The following BCOR variants were observed in gnomAD, a reference collection of about 807,000 sequenced individuals.
BCOR encodes BCL6 corepressor.
Under a neutral mutation model 86.7 loss-of-function variants are expected in BCOR, and 10 were observed. The observed-to-expected ratio is 0.12, with a 90% CI of 0.07 to 0.20. The LOEUF (loss-of-function observed/expected upper bound fraction) is 0.20, where lower values mean the gene tolerates loss of function less well. Among genes scored for constraint, BCOR ranks in the 10% least tolerant of loss-of-function variants. The pLI, the probability that BCOR is intolerant of heterozygous loss-of-function variation, is 1.00. For missense variants in BCOR, 1,259 were observed against 1,452.1 expected (o/e 0.87, Z 2.16); for synonymous variants, 611 against 609.0 (o/e 1.00, Z -0.05).
intron 1 of BCOR, among the ~76,000 whole-genome samples, chrX:40,171,943 C>A (rs1459250199): frequency 2.7e-5 from 3 of 112,862 alleles, no homozygotes; most frequent in Non-Finnish European, 5.6e-5. Flanking sequence ...CTCCGGCTCA[C>A]AGAGCCTCTC....
At chrX:40,095,364 G>A (rs778433726) in intron 1 of BCOR, among the ~76,000 whole-genome samples, 2 of 111,424 alleles carry the variant, frequency 1.8e-5, no homozygotes, top group East Asian at 5.7e-4. Flanking sequence ...CCAACACTTC[G>A]TAAGGATTGA....
intron 6 of BCOR, among the ~76,000 whole-genome samples, chrX:40,068,525 G>A (rs1342200430): frequency 8.9e-6 from 1 of 112,665 alleles, no homozygotes; most frequent in Non-Finnish European, 1.9e-5. Flanking sequence ...TTGCCACTGA[G>A]TGAGTCCTAG....
intron 1 of BCOR, among the ~76,000 whole-genome samples, chrX:40,169,214 G>A (rs925664563): frequency 2.7e-5 from 3 of 112,712 alleles, no homozygotes; most frequent in African/African-American, 9.7e-5. Flanking sequence ...CTGCACAAGA[G>A]AATTTTCTCT....
intron 1 of BCOR, among the ~76,000 whole-genome samples, chrX:40,168,805 A>G (rs945763136): frequency 8.8e-6 from 1 of 113,427 alleles, no homozygotes; most frequent in Non-Finnish European, 1.9e-5. Flanking sequence ...ATATGTAGCT[A>G]TTAAAATTAA....
intron 5 of BCOR, 83 bp from the exon 6 acceptor site, chrX:40,071,242 G>C (rs2147183404): frequency 2.9e-6 from 3 of 1,031,098 alleles, no homozygotes; most frequent in Non-Finnish European, 3.9e-6. Context: ...TTAAAGGAAA[G>C]TATTTTCAAA....
At chrX:40,162,181 G>T (rs1248607841) in intron 1 of BCOR, among the ~76,000 whole-genome samples, 1 of 112,264 alleles carries the variant, frequency 8.9e-6, no homozygotes, top group Non-Finnish European at 1.9e-5. Flanking sequence ...TCTGTCCTGT[G>T]TCACCTTCTC....
At chrX:40,093,204 A>G (rs1423145711) in intron 1 of BCOR, among the ~76,000 whole-genome samples, 1 of 112,041 alleles carries the variant, frequency 8.9e-6, no homozygotes, top group Non-Finnish European at 1.9e-5. Flanking sequence ...CTCTTGTTCC[A>G]TTTGGGCAAC....
At chrX:40,171,438 G>A (rs1302608551) in intron 1 of BCOR, among the ~76,000 whole-genome samples, 1 of 111,154 alleles carries the variant, frequency 9.0e-6, no homozygotes, top group Non-Finnish European at 1.9e-5. Flanking sequence ...CCCAGGAGGC[G>A]CGGCTGGATT....
intron 1 of BCOR, among the ~76,000 whole-genome samples, chrX:40,081,171 G>A (rs1936092119): frequency 9.0e-6 from 1 of 111,482 alleles, no homozygotes; most frequent in South Asian, 3.8e-4. Flanking sequence ...AAGGGCCAAT[G>A]AGCAATGGCC....
chrX:40,121,410 C>A (rs184709446), intron 1 of BCOR, among the ~76,000 whole-genome samples: 24 of 112,848 alleles, frequency 2.1e-4, no homozygotes, highest in African/African-American at 6.7e-4. Flanking sequence ...CCCTCTCAAA[C>A]CACCCTGCCC....
At chrX:40,100,267 C>A (rs1937045658), upstream of BCOR, among the ~76,000 whole-genome samples, 2 of 112,655 alleles carry the variant, frequency 1.8e-5, no homozygotes, top group South Asian at 7.2e-4. Context: ...TGGTTCCAGG[C>A]GAGGAGGCCG....
intron 1 of BCOR, among the ~76,000 whole-genome samples, chrX:40,173,910 G>A (rs943206408): frequency 1.8e-5 from 2 of 113,060 alleles, no homozygotes; most frequent in Non-Finnish European, 3.7e-5. Context: ...GGCCGCTGGC[G>A]GGCCACATTT....
At chrX:40,106,517 G>A (rs935373674) in intron 1 of BCOR, among the ~76,000 whole-genome samples, 1 of 110,353 alleles carries the variant, frequency 9.1e-6, no homozygotes, top group Non-Finnish European at 1.9e-5. Flanking sequence ...ACGGAAACAT[G>A]GCGCAGCGCC....
At chrX:40,053,784 G>T in intron 14 of BCOR, 102 bp downstream of exon 14, 1 of 953,849 alleles carries the variant, frequency 1.0e-6, no homozygotes, top group Non-Finnish European at 1.5e-6. Context: ...AGTTAAGGAG[G>T]TCACTCACCC....
At chrX:40,070,008 C>A (rs1342220191) in intron 6 of BCOR, among the ~76,000 whole-genome samples, 2 of 111,887 alleles carry the variant, frequency 1.8e-5, no homozygotes, top group Non-Finnish European at 1.9e-5. Flanking sequence ...GGGGTGTGCG[C>A]TCCGAGTATC....
intron 10 of BCOR, among the ~76,000 whole-genome samples, chrX:40,061,105 C>T (rs752271022): frequency 4.4e-5 from 5 of 112,748 alleles, no homozygotes; most frequent in Non-Finnish European, 9.4e-5. Context: ...CGCCCGGGTG[C>T]TTCTCCACAC....
At chrX:40,096,998 C>T (rs1241500907) in intron 1 of BCOR, among the ~76,000 whole-genome samples, 1 of 113,215 alleles carries the variant, frequency 8.8e-6, no homozygotes, top group East Asian at 2.8e-4. Context: ...TCCCTGGTGC[C>T]CACGCGGGGC....
chrX:40,080,441 A>C (rs1936029884), intron 1 of BCOR, among the ~76,000 whole-genome samples: 1 of 110,808 alleles, frequency 9.0e-6, no homozygotes, highest in Non-Finnish European at 1.9e-5. Context: ...AACTCAAAAA[A>C]CAAACAAACA....
At position 40,056,281 on chromosome X, in the gene BCOR, T is replaced by TAAAAAAAA. The variant is rs60712024; in HGVS notation, c.4596-776_4596-769dup. Among the ~76,000 whole-genome samples the TAAAAAAAA allele has an allele frequency of 6.0e-4, 37 of 61,439 alleles. 1 individual carries two copies. Among genetic ancestry groups the TAAAAAAAA allele is most frequent in the Middle Eastern group, 8.9e-3 (1 of 112 alleles). The allele number at this position is 61,439 out of a possible 115,157, so 53.4% of individuals were successfully genotyped here. A position where few individuals can be genotyped will look rare whatever the true frequency, so the allele number is the denominator to read the frequency against. On this transcript the variant is annotated intron_variant, in intron 11 of 14. Transcript: ENST00000378444. ...AATACAACAAGCAACTGTCACACAT[T>TAAAAAAAA]AAAAAAAAAAAAAAAAAAAAGCCAC...
Sources: allele counts gnomAD v4.1 joint callset (sites outside exome capture counted in the v4.1 genomes callset), GRCh38; gene constraint gnomAD v4.1.1; transcripts MANE v1.5; gene names NCBI Gene and HGNC (gene_info 2026-07-23, HGNC 2026-07-21).